Variants in ELMO1 observed in about 807,000 individuals in gnomAD.
The protein encoded by ELMO1 is engulfment and cell motility 1.
In ELMO1, 26 loss-of-function variants were observed where a neutral mutation model predicts 98.9. That is an observed-to-expected ratio of 0.26 (90% confidence interval 0.19 to 0.36). ELMO1 has a LOEUF of 0.36. Among genes scored for constraint, ELMO1 ranks in the 10% least tolerant of loss-of-function variants. ELMO1 has a pLI of 1.00. For synonymous variants in ELMO1, 346 were observed against 346.0 expected, an observed-to-expected ratio of 1.00 and a Z score of 0.00; for missense variants, 627 against 935.2, an observed-to-expected ratio of 0.67 and a Z score of 4.30.
intron 2 of ELMO1, among the ~76,000 whole-genome samples, chr7:37,323,398 A>C (rs954298101): frequency 2.1e-4 from 32 of 152,210 alleles, no homozygotes; most frequent in African/African-American, 7.2e-4. Context: ...TTTGTAACGT[A>C]AGTTAGATTT....
intron 15 of ELMO1, among the ~76,000 whole-genome samples, chr7:37,054,946 G>A (rs965308161): frequency 2.6e-5 from 4 of 152,204 alleles, no homozygotes; most frequent in Non-Finnish European, 5.9e-5. Flanking sequence ...GAACATATTA[G>A]CATATGTATT....
intron 16 of ELMO1, among the ~76,000 whole-genome samples, chr7:36,992,817 T>C (rs1253324120): frequency 6.6e-6 from 1 of 152,186 alleles, no homozygotes; most frequent in Non-Finnish European, 1.5e-5. Context: ...GTGTAGAGAT[T>C]AAACCCACGG....
intron 16 of ELMO1, among the ~76,000 whole-genome samples, chr7:36,953,064 C>T (rs760053158): frequency 1.4e-5 from 2 of 144,776 alleles, no homozygotes; most frequent in Admixed American, 1.5e-4. Context: ...CTCCCGGGTT[C>T]ACGCCATTCT....
At chr7:37,017,440 C>A (rs551298211) in intron 15 of ELMO1, among the ~76,000 whole-genome samples, 3 of 152,312 alleles carry the variant, frequency 2.0e-5, no homozygotes, top group Non-Finnish European at 4.4e-5. Context: ...TAAAAAAGTA[C>A]AATTTGCGCC....
intron 2 of ELMO1, among the ~76,000 whole-genome samples, chr7:37,327,311 A>G (rs1000236207): frequency 2.0e-5 from 3 of 152,248 alleles, no homozygotes; most frequent in African/African-American, 7.2e-5. Context: ...CCTTTGTAAA[A>G]TTAACTGTAT....
At chr7:37,433,069 C>T (rs1804997482) in intron 1 of ELMO1, among the ~76,000 whole-genome samples, 1 of 152,200 alleles carries the variant, frequency 6.6e-6, no homozygotes, top group Non-Finnish European at 1.5e-5. Flanking sequence ...CCGTGTGCCT[C>T]TCCAACACCC....
At chr7:36,859,738 A>G (rs547235558) in intron 21 of ELMO1, among the ~76,000 whole-genome samples, 1 of 152,360 alleles carries the variant, frequency 6.6e-6, no homozygotes, top group South Asian at 2.1e-4. Context: ...ATACATATAA[A>G]GCATTAATGG....
intron 1 of ELMO1, among the ~76,000 whole-genome samples, chr7:37,377,024 A>G (rs894496596): frequency 1.3e-5 from 2 of 152,182 alleles, no homozygotes; most frequent in African/African-American, 4.8e-5. Flanking sequence ...TAATATACCT[A>G]ACCTACAGGA....
At chr7:37,035,360 T>C (rs1370580203) in intron 15 of ELMO1, among the ~76,000 whole-genome samples, 1 of 152,236 alleles carries the variant, frequency 6.6e-6, no homozygotes, top group Non-Finnish European at 1.5e-5. Context: ...ACTTCTTTTT[T>C]GGTTGGATCA....
intron 7 of ELMO1, among the ~76,000 whole-genome samples, chr7:37,233,808 G>C (rs949552873): frequency 6.6e-6 from 1 of 152,072 alleles, no homozygotes; most frequent in South Asian, 2.1e-4. Context: ...TTTGATTTTG[G>C]CCAGCATTTC....
At chr7:37,004,768 A>G (rs981689957) in intron 16 of ELMO1, among the ~76,000 whole-genome samples, 4 of 152,224 alleles carry the variant, frequency 2.6e-5, no homozygotes, top group Non-Finnish European at 5.9e-5. Flanking sequence ...TCAGCTAAAG[A>G]TAGCAGTCAA....
At position 37,213,398 on chromosome 7, in the gene ELMO1, T is replaced by C. The variant is rs766223806; in HGVS notation, c.891A>G (p.Leu297=). 5 of 1,612,700 alleles carry C rather than the reference T, an allele frequency of 3.1e-6. No homozygotes were observed. In the South Asian group the frequency reaches 3.3e-5, roughly 11 times the overall value. The change falls in exon 12 of 22, where the codon CTA becomes CTG. Residue 297 remains leucine (L), a synonymous_variant. Coordinates refer to ENST00000310758, the MANE Select transcript of ELMO1 (RefSeq NM_014800.11). ...NNEMAHQLYV[L]QVLTFNLLED... Reference sequence around the variant, plus strand: ...CCAGGAGGTTAAAGGTGAGCACTTGTAGAACATACAGCTGGTGCGCCATCT... The same window carrying C: ...CCAGGAGGTTAAAGGTGAGCACTTGCAGAACATACAGCTGGTGCGCCATCT...
chr7:37,428,773 T>A (rs1056126182), intron 1 of ELMO1, among the ~76,000 whole-genome samples: 1 of 152,236 alleles, frequency 6.6e-6, no homozygotes, highest in Admixed American at 6.5e-5. Context: ...AAACATACGA[T>A]GTATAGTGCT....
chr7:36,891,721 T>C (rs534794935), intron 17 of ELMO1, among the ~76,000 whole-genome samples: 3 of 152,346 alleles, frequency 2.0e-5, no homozygotes, highest in Admixed American at 1.3e-4. Flanking sequence ...TTTTGATATC[T>C]TCATTTTTAG....
At chr7:37,391,074 C>T (rs1224555916) in intron 1 of ELMO1, among the ~76,000 whole-genome samples, 1 of 149,792 alleles carries the variant, frequency 6.7e-6, no homozygotes, top group African/African-American at 2.5e-5. Context: ...CTCCCTCCCT[C>T]TCTCCCTCCC....
intron 16 of ELMO1, among the ~76,000 whole-genome samples, chr7:36,925,705 T>G (rs531003896): frequency 4.6e-5 from 7 of 152,278 alleles, no homozygotes; most frequent in Non-Finnish European, 7.4e-5. Context: ...TAACAAGCAA[T>G]TTTTAAAAAG....
chr7:36,870,270 TA>T lies in ELMO1; in HGVS notation c.1905+122del. ...CGGGACAGGAAACAGGAGAGCTGAA[TA>T]AGAGATGTGTGTCTGAACACACGCA... On this transcript the variant is annotated intron_variant, in intron 20 of 21. Coordinates refer to ENST00000310758, the MANE Select transcript of ELMO1 (RefSeq NM_014800.11). The surrounding 1 kb of genome is among the most constrained non-coding windows in gnomAD (Gnocchi z 4.4). The T allele has an allele frequency of 1.3e-6, 1 of 745,516 alleles. No individual in the cohort carries two copies. The highest frequency in any genetic ancestry group is 1.8e-5 in the South Asian group (1 of 56,904). The allele number at this position is 745,516 out of a possible 1,614,324, so 46.2% of individuals were successfully genotyped here.
At position 36,891,966 on chromosome 7, in the gene ELMO1, C is replaced by T. The variant is rs75270288; in HGVS notation, c.1601+2888G>A. On this transcript the variant is annotated intron_variant, in intron 17 of 21. Coordinates refer to ENST00000310758, the MANE Select transcript of ELMO1 (RefSeq NM_014800.11). ...CATTAACTCCAATTAATTGGATGGA[C>T]TTATCTTCCTTGGTAAGTTGCACTA... 3.9e-3 allele frequency among the ~76,000 whole-genome samples: 601 copies of T among 152,308 alleles called. 17 individuals carry two copies. In the East Asian group the frequency reaches 0.076, roughly 19 times the overall value.
intron 16 of ELMO1, among the ~76,000 whole-genome samples, chr7:36,912,354 A>C (rs886326245): frequency 1.3e-5 from 2 of 152,212 alleles, no homozygotes; most frequent in Non-Finnish European, 2.9e-5. Context: ...ACTCTCCTTA[A>C]GGAATGCCCA....
Sources: gnomAD v4.1 joint callset for allele counts (sites outside exome capture counted in the v4.1 genomes callset) on GRCh38, gnomAD v4.1.1 for gene constraint, Gnocchi (gnomAD v3.1) non-coding constraint, MANE v1.5 for transcripts, NCBI Gene and HGNC (gene_info 2026-07-23, HGNC 2026-07-21) for gene names.